The following NALF1 variants were observed in gnomAD, a reference collection of about 807,000 sequenced individuals.
NALF1 encodes NALCN channel auxiliary factor 1, also known as family with sequence similarity 155 member A.
A neutral mutation model predicts 48.4 loss-of-function variants in NALF1; 3 were observed. The observed-to-expected ratio is 0.06, with a 90% CI of 0.03 to 0.16. The LOEUF is 0.16. Among genes scored for constraint, NALF1 ranks in the 10% least tolerant of loss-of-function variants. The pLI is 1.00. For missense variants in NALF1, 526 were observed against 571.5 expected, an observed-to-expected ratio of 0.92 and a Z score of 0.81; for synonymous variants, 262 against 245.7, an observed-to-expected ratio of 1.07 and a Z score of -0.62.
At chr13:107,736,657 CTTCTT>C in intron 1 of NALF1, among the ~76,000 whole-genome samples, 1 of 152,270 alleles carries the variant, frequency 6.6e-6, no homozygotes, top group Non-Finnish European at 1.5e-5. Flanking sequence ...TAAATGGTCT[CTTCTT>C]TTCAGCTCAA....
chr13:107,749,673 T>C (rs1370994443), intron 1 of NALF1, among the ~76,000 whole-genome samples: 3 of 152,130 alleles, frequency 2.0e-5, no homozygotes, highest in Admixed American at 6.6e-5. Context: ...AAAATCTTGT[T>C]CTTTACATTT....
At chr13:107,710,924 C>T (rs2061962828) in intron 1 of NALF1, among the ~76,000 whole-genome samples, 1 of 151,530 alleles carries the variant, frequency 6.6e-6, no homozygotes, top group Non-Finnish European at 1.5e-5. Context: ...TACACACACA[C>T]AAACATATAT....
At chr13:107,335,261 G>A (rs894874564) in intron 1 of NALF1, among the ~76,000 whole-genome samples, 5 of 152,054 alleles carry the variant, frequency 3.3e-5, no homozygotes, top group Non-Finnish European at 7.4e-5. Flanking sequence ...TAGTGGCTTC[G>A]GTGCTATGAG....
At chr13:107,301,708 G>C (rs1328500395) in intron 1 of NALF1, among the ~76,000 whole-genome samples, 1 of 151,710 alleles carries the variant, frequency 6.6e-6, no homozygotes, top group African/African-American at 2.4e-5. Context: ...GTTCCTTCTT[G>C]AATTAACATG....
At chr13:107,314,026 C>T (rs1938238187) in intron 1 of NALF1, among the ~76,000 whole-genome samples, 1 of 152,178 alleles carries the variant, frequency 6.6e-6, no homozygotes, top group African/African-American at 2.4e-5. Context: ...AGACCTGTCT[C>T]AGATACTTTT....
At chr13:107,492,925 G>T (rs1875193096) in intron 1 of NALF1, among the ~76,000 whole-genome samples, 1 of 152,174 alleles carries the variant, frequency 6.6e-6, no homozygotes, top group South Asian at 2.1e-4. Context: ...ATATTAATAT[G>T]TAGAATAATT....
intron 1 of NALF1, among the ~76,000 whole-genome samples, chr13:107,366,322 T>C (rs1407949980): frequency 6.6e-6 from 1 of 152,206 alleles, no homozygotes; most frequent in East Asian, 1.9e-4. Flanking sequence ...ATTTTAAATA[T>C]CTAACCTTGA....
chr13:107,366,846 C>A (rs866141037), intron 1 of NALF1, among the ~76,000 whole-genome samples: 1 of 152,168 alleles, frequency 6.6e-6, no homozygotes, highest in Non-Finnish European at 1.5e-5. Flanking sequence ...TGTTCACGTT[C>A]ATGCTCACAA....
intron 1 of NALF1, among the ~76,000 whole-genome samples, chr13:107,656,132 A>G (rs1433000159): frequency 1.3e-5 from 2 of 150,288 alleles, no homozygotes; most frequent in East Asian, 2.1e-4. Context: ...TCTAAAGGCA[A>G]ATGCAAAAAA....
At chr13:107,176,451 G>A (rs942772583) in intron 2 of NALF1, among the ~76,000 whole-genome samples, 4 of 151,606 alleles carry the variant, frequency 2.6e-5, no homozygotes, top group Admixed American at 6.6e-5. Context: ...GACCATCCTG[G>A]CTAACACGGT....
At chr13:107,191,701 T>C (rs1209076480) in intron 2 of NALF1, among the ~76,000 whole-genome samples, 5 of 151,236 alleles carry the variant, frequency 3.3e-5, no homozygotes, top group Non-Finnish European at 7.4e-5. Context: ...GCAGTCTCAC[T>C]CTGTTGCCCA....
intron 1 of NALF1, among the ~76,000 whole-genome samples, chr13:107,821,926 C>A (rs1056537610): frequency 1.3e-5 from 2 of 152,074 alleles, no homozygotes; most frequent in African/African-American, 2.4e-5. Flanking sequence ...AATTAATTGG[C>A]CATGGCACAA....
chr13:107,797,040 C>T (rs1025359548), intron 1 of NALF1, among the ~76,000 whole-genome samples: 1 of 152,148 alleles, frequency 6.6e-6, no homozygotes, highest in African/African-American at 2.4e-5. Flanking sequence ...GCTCATGAAC[C>T]CCATGTTTGT....
intron 1 of NALF1, among the ~76,000 whole-genome samples, chr13:107,851,676 G>A (rs1190831094): frequency 1.3e-5 from 2 of 152,094 alleles, no homozygotes; most frequent in Admixed American, 6.6e-5. Context: ...TCAAAGATCT[G>A]AGTAAAATCT....
At chr13:107,231,058 CAAAAAAAA>C (rs3072074) in intron 1 of NALF1, among the ~76,000 whole-genome samples, 924 of 83,630 alleles carry the variant, frequency 0.011, 8 homozygotes, top group African/African-American at 0.037. Flanking sequence ...AAGACCCGGC[CAAAAAAAA>C]AAAAAAAAAA....
intron 1 of NALF1, among the ~76,000 whole-genome samples, chr13:107,572,275 C>T (rs144938402): frequency 1.3e-5 from 2 of 152,156 alleles, no homozygotes; most frequent in African/African-American, 4.8e-5. Context: ...TTTTCAACGA[C>T]CTTCTGGTAA....
intron 1 of NALF1, among the ~76,000 whole-genome samples, chr13:107,687,244 G>C (rs1341611): frequency 0.98 from 149,770 of 152,144 alleles, 73,750 homozygotes; most frequent in East Asian, 1. Context: ...GGGAGCTCAA[G>C]AGTGGGCACA....
intron 1 of NALF1, among the ~76,000 whole-genome samples, chr13:107,423,430 C>T (rs1884226706): frequency 6.6e-6 from 1 of 151,968 alleles, no homozygotes; most frequent in Non-Finnish European, 1.5e-5. Flanking sequence ...TCCGTCTTGC[C>T]CTGTTCTGCA....
At chr13:107,171,347 C>T (rs549634445) in intron 2 of NALF1, among the ~76,000 whole-genome samples, 29 of 152,270 alleles carry the variant, frequency 1.9e-4, no homozygotes, top group African/African-American at 6.7e-4. Context: ...ATTTTCTAAA[C>T]ATTTCTCTTA....
Sources: gnomAD v4.1 joint callset for allele counts (sites outside exome capture counted in the v4.1 genomes callset) on GRCh38, gnomAD v4.1.1 for gene constraint, MANE v1.5 for transcripts, NCBI Gene and HGNC (gene_info 2026-07-23, HGNC 2026-07-21) for gene names.